CARNMT1: variants seen among roughly 807,000 people sequenced by gnomAD.
CARNMT1 encodes carnosine N-methyltransferase 1.
In CARNMT1, 28 loss-of-function variants were observed where a neutral mutation model predicts 49.6. The observed-to-expected ratio is 0.56, with a 90% CI of 0.42 to 0.77. The LOEUF (loss-of-function observed/expected upper bound fraction) is 0.77. CARNMT1 is among the 30% of genes least tolerant of loss of function. The pLI is 0.00. For missense variants in CARNMT1, 421 were observed against 512.6 expected (o/e 0.82, Z 1.73); for synonymous variants, 178 against 175.0 (o/e 1.02, Z -0.13).
intron 3 of CARNMT1, among the ~76,000 whole-genome samples, chr9:75,003,505 T>C (rs960343302): frequency 3.3e-5 from 5 of 152,268 alleles, no homozygotes; most frequent in African/African-American, 1.2e-4. Context: ...AGAGACGACA[T>C]TGCCGGCAAA....
chr9:75,027,737 C>A (rs770036899), intron 1 of CARNMT1, among the ~76,000 whole-genome samples: 1 of 152,244 alleles, frequency 6.6e-6, no homozygotes, highest in Non-Finnish European at 1.5e-5. Flanking sequence ...AAAGCCAAAC[C>A]TTTACGAGGA....
At chr9:75,021,610 C>A (rs988827836) in intron 1 of CARNMT1, among the ~76,000 whole-genome samples, 2 of 151,176 alleles carry the variant, frequency 1.3e-5, no homozygotes, top group African/African-American at 4.8e-5. Context: ...CTAGAGGGAA[C>A]CACTTCTAAC....
intron 6 of CARNMT1, among the ~76,000 whole-genome samples, chr9:74,993,144 T>C (rs1418433635): frequency 6.6e-6 from 1 of 152,220 alleles, no homozygotes; most frequent in Admixed American, 6.5e-5. Context: ...TTTGCCCTTA[T>C]GGAGCTTAGA....
chr9:75,026,077 T>A (rs747203662), intron 1 of CARNMT1, among the ~76,000 whole-genome samples: 1 of 152,240 alleles, frequency 6.6e-6, no homozygotes, highest in African/African-American at 2.4e-5. Flanking sequence ...AAAAAGCATA[T>A]TTTTGATGTT....
intron 1 of CARNMT1, among the ~76,000 whole-genome samples, chr9:75,024,273 A>G (rs1023070147): frequency 5.3e-5 from 8 of 152,220 alleles, no homozygotes; most frequent in Non-Finnish European, 1.0e-4. Flanking sequence ...TGTTACTAGT[A>G]TAACTCCTCA....
chr9:74,999,777 A>G lies in CARNMT1; in HGVS notation c.684T>C (p.Asn228=). ...IAMLGYACQG[N]EWSFFMLFSS... ...AAAAGAGCATAAAAAAACTCCATTC[A>G]TTTCCTTGACAAGCATAACCTAGCA... The change falls in exon 4 of 8, where the codon AAT becomes AAC. Residue 228 remains asparagine (N), a synonymous_variant. Transcript: ENST00000376834. The G allele has an allele frequency of 6.2e-7, 1 of 1,612,658 alleles. No individual in the cohort carries two copies. The highest frequency in any genetic ancestry group is 8.5e-7 in the Non-Finnish European group (1 of 1,179,246).
intron 3 of CARNMT1, among the ~76,000 whole-genome samples, chr9:75,004,824 A>G (rs1272840086): frequency 6.6e-6 from 1 of 152,232 alleles, no homozygotes; most frequent in Non-Finnish European, 1.5e-5. Flanking sequence ...TTAAAATGCA[A>G]AGACATAACA....
At chr9:74,997,995 T>A (rs1833241790) in intron 5 of CARNMT1, among the ~76,000 whole-genome samples, 1 of 152,134 alleles carries the variant, frequency 6.6e-6, no homozygotes, top group Non-Finnish European at 1.5e-5. Context: ...AATCTCCCTC[T>A]CCACTTTCCC....
At chr9:75,004,223 T>G in intron 3 of CARNMT1, among the ~76,000 whole-genome samples, 1 of 152,272 alleles carries the variant, frequency 6.6e-6, no homozygotes, top group East Asian at 1.9e-4. Context: ...TTCTACATAA[T>G]TTTTTGCTAA....
chr9:75,021,408 TAC>T (rs1471074226), intron 1 of CARNMT1, among the ~76,000 whole-genome samples: 1 of 146,942 alleles, frequency 6.8e-6, no homozygotes, highest in African/African-American at 2.5e-5. Flanking sequence ...ATATACTATA[TAC>T]ATACTATATA....
intron 6 of CARNMT1, among the ~76,000 whole-genome samples, chr9:74,985,833 G>A (rs528174746): frequency 2.0e-5 from 3 of 152,254 alleles, no homozygotes; most frequent in African/African-American, 7.2e-5. Flanking sequence ...ACCAGCCTTG[G>A]CCTCCCAAAG....
intron 6 of CARNMT1, among the ~76,000 whole-genome samples, chr9:74,985,424 A>G (rs1832805352): frequency 6.6e-6 from 1 of 152,216 alleles, no homozygotes; most frequent in Non-Finnish European, 1.5e-5. Flanking sequence ...TAGGTAGTAA[A>G]AGGTGGACAG....
chr9:74,998,824 A>C (rs1833273485), intron 4 of CARNMT1, 48 bp from the exon 5 acceptor site: 1 of 1,204,912 alleles, frequency 8.3e-7, no homozygotes, highest in South Asian at 1.9e-5. Context: ...TATTTTACCA[A>C]GAAAATCCAC....
intron 1 of CARNMT1, among the ~76,000 whole-genome samples, chr9:75,021,924 C>T (rs1206346294): frequency 6.6e-6 from 1 of 151,320 alleles, no homozygotes; most frequent in East Asian, 1.9e-4. Context: ...CGTAACAGAG[C>T]AAAAACCCTG....
intron 3 of CARNMT1, among the ~76,000 whole-genome samples, chr9:75,009,592 T>C (rs892911408): frequency 2.0e-5 from 3 of 152,182 alleles, no homozygotes; most frequent in Non-Finnish European, 4.4e-5. Context: ...GCAAGGCTTA[T>C]GGACAAATAA....
upstream of CARNMT1, chr9:75,028,413 T>C: frequency 7.8e-7 from 1 of 1,288,822 alleles, no homozygotes; most frequent in South Asian, 2.5e-5. Flanking sequence ...CCGCCAGGTC[T>C]TCAGGGCTCC....
intron 3 of CARNMT1, among the ~76,000 whole-genome samples, chr9:75,005,549 TG>T (rs1483753082): frequency 6.6e-6 from 1 of 150,612 alleles, no homozygotes; most frequent in African/African-American, 2.4e-5. Flanking sequence ...CTCGGCTCAC[TG>T]CAAGCTCCGC....
intron 3 of CARNMT1, among the ~76,000 whole-genome samples, chr9:75,014,865 T>TA (rs1379482916): frequency 2.0e-5 from 3 of 151,218 alleles, no homozygotes; most frequent in African/African-American, 4.9e-5. Flanking sequence ...TAATAATCAA[T>TA]AAAATAAAAT....
chr9:74,993,011 C>T (rs749814546), intron 6 of CARNMT1, among the ~76,000 whole-genome samples: 2 of 152,130 alleles, frequency 1.3e-5, no homozygotes, highest in Non-Finnish European at 1.5e-5. Flanking sequence ...ATCATCTCTT[C>T]GAGACATCTT....
Sources: gnomAD v4.1 joint callset for allele counts (sites outside exome capture counted in the v4.1 genomes callset) on GRCh38, gnomAD v4.1.1 for gene constraint, MANE v1.5 for transcripts, NCBI Gene and HGNC (gene_info 2026-07-23, HGNC 2026-07-21) for gene names.